The following RANBP2 variants were observed in gnomAD, a reference collection of about 807,000 sequenced individuals.
RANBP2 encodes E3 SUMO-protein ligase RanBP2.
Under a neutral mutation model 303.6 loss-of-function variants are expected in RANBP2, and 57 were observed. That is an observed-to-expected ratio of 0.19 (90% CI 0.15 to 0.23). The LOEUF is 0.23. Ranked by LOEUF, RANBP2 falls within the 10% of genes least tolerant of loss-of-function variation. The pLI is 1.00. For missense variants in RANBP2, 3,138 were observed against 3,780.8 expected, an observed-to-expected ratio of 0.83 and a Z score of 4.46; for synonymous variants, 1,167 against 1,301.5, an observed-to-expected ratio of 0.90 and a Z score of 2.23.
the RANBP2 span, among the ~76,000 whole-genome samples, chr2:108,836,768 T>C: frequency 6.6e-6 from 1 of 152,142 alleles, no homozygotes; most frequent in South Asian, 2.1e-4. Flanking sequence ...AGTGTATAAG[T>C]TTTTTACCTC....
the RANBP2 span, chr2:109,614,185 G>T: frequency 1.7e-6 from 2 of 1,155,674 alleles, no homozygotes; most frequent in South Asian, 4.5e-5. Flanking sequence ...CAGTGATTGC[G>T]GCCCTCGCGA....
At chr2:109,470,287 G>A in the RANBP2 span, among the ~76,000 whole-genome samples, 1 of 152,296 alleles carries the variant, frequency 6.6e-6, no homozygotes, top group Admixed American at 6.5e-5. Context: ...GCACCCAGCA[G>A]CTCTAGCCAC....
chr2:109,243,310 G>C, the RANBP2 span, among the ~76,000 whole-genome samples: 4 of 152,236 alleles, frequency 2.6e-5, no homozygotes, highest in African/African-American at 9.6e-5. Flanking sequence ...TGAGACTCCC[G>C]TGTGCTTTTG....
At chr2:108,905,009 T>C in the RANBP2 span, among the ~76,000 whole-genome samples, 3 of 152,116 alleles carry the variant, frequency 2.0e-5, no homozygotes, top group Non-Finnish European at 4.4e-5. Flanking sequence ...TACCACTGCA[T>C]GGTAAGAAGT....
the RANBP2 span, among the ~76,000 whole-genome samples, chr2:109,671,670 G>GT: frequency 1.4e-4 from 22 of 152,200 alleles, no homozygotes; most frequent in East Asian, 3.9e-4. Context: ...CTTTTTTATT[G>GT]TTTTTTGTTG....
chr2:109,208,472 G>A, the RANBP2 span, among the ~76,000 whole-genome samples: 1 of 152,224 alleles, frequency 6.6e-6, no homozygotes, highest in Non-Finnish European at 1.5e-5. Flanking sequence ...GCCCTGTGGA[G>A]AAGGGCAAAG....
chr2:109,145,204 C>A, the RANBP2 span, among the ~76,000 whole-genome samples: 1 of 152,182 alleles, frequency 6.6e-6, no homozygotes, highest in South Asian at 2.1e-4. Context: ...GAGACAGAGC[C>A]GTGTCCTGGC....
the RANBP2 span, among the ~76,000 whole-genome samples, chr2:108,962,105 A>G: frequency 1.3e-5 from 2 of 152,180 alleles, no homozygotes; most frequent in East Asian, 1.9e-4. Flanking sequence ...TGTCCAAGTG[A>G]GACTGTGAAC....
chr2:109,739,574 A>G, the RANBP2 span, among the ~76,000 whole-genome samples: 52 of 152,220 alleles, frequency 3.4e-4, no homozygotes, highest in African/African-American at 9.9e-4. Flanking sequence ...TTTTGATCTC[A>G]TATCCTACAA....
At chr2:109,211,530 G>A in the RANBP2 span, among the ~76,000 whole-genome samples, 1 of 152,218 alleles carries the variant, frequency 6.6e-6, no homozygotes, top group East Asian at 1.9e-4. Context: ...CAGTAGGAGC[G>A]GATCAGCAAG....
At chr2:109,738,166 C>T in the RANBP2 span, among the ~76,000 whole-genome samples, 10 of 151,990 alleles carry the variant, frequency 6.6e-5, no homozygotes, top group Non-Finnish European at 5.9e-5. Context: ...AGCTCAATGA[C>T]CTAAGCATTT....
At chr2:108,873,966 G>T in the RANBP2 span, among the ~76,000 whole-genome samples, 1 of 151,916 alleles carries the variant, frequency 6.6e-6, no homozygotes, top group Admixed American at 6.6e-5. Flanking sequence ...AAATACTAAC[G>T]CTGATCTAAG....
the RANBP2 span, among the ~76,000 whole-genome samples, chr2:109,447,035 G>A: frequency 2.0e-5 from 3 of 151,560 alleles, no homozygotes; most frequent in East Asian, 1.9e-4. Flanking sequence ...TAAATGACCC[G>A]AGGCCCCTGG....
At chr2:108,793,310 G>A in the RANBP2 span, among the ~76,000 whole-genome samples, 1 of 152,098 alleles carries the variant, frequency 6.6e-6, no homozygotes, top group South Asian at 2.1e-4. Context: ...TCCAGCCTGG[G>A]CGACAGAGTG....
chr2:109,725,944 G>A, the RANBP2 span, among the ~76,000 whole-genome samples: 1 of 151,872 alleles, frequency 6.6e-6, no homozygotes, highest in African/African-American at 2.4e-5. Context: ...CATTGGTCAG[G>A]CTGGTCTCAA....
the RANBP2 span, among the ~76,000 whole-genome samples, chr2:109,380,132 A>T: frequency 6.6e-6 from 1 of 152,232 alleles, no homozygotes; most frequent in Admixed American, 6.5e-5. Flanking sequence ...TGATCCACAC[A>T]TACATGGGTG....
At chr2:109,608,066 A>AT in the RANBP2 span, among the ~76,000 whole-genome samples, 1,068 of 152,364 alleles carry the variant, frequency 7.0e-3, 3 homozygotes, top group Non-Finnish European at 0.012. Context: ...TCATCTATAC[A>AT]CATAGAATTA....
the RANBP2 span, among the ~76,000 whole-genome samples, chr2:108,926,392 GGACT>G: frequency 1.3e-5 from 2 of 152,188 alleles, no homozygotes; most frequent in Non-Finnish European, 2.9e-5. Flanking sequence ...TGTTGTTTAA[GGACT>G]GACTTTCTCT....
chr2:109,443,169 TATC>T, the RANBP2 span, among the ~76,000 whole-genome samples: 104 of 152,254 alleles, frequency 6.8e-4, no homozygotes, highest in Non-Finnish European at 1.3e-3. Flanking sequence ...TCACATAAAT[TATC>T]ATCTTATTCT....
Sources: allele counts gnomAD v4.1 joint callset (sites outside exome capture counted in the v4.1 genomes callset), GRCh38; gene constraint gnomAD v4.1.1; transcripts MANE v1.5; gene names NCBI Gene and HGNC (gene_info 2026-07-23, HGNC 2026-07-21).